DLC1: variants seen among roughly 807,000 people sequenced by gnomAD.
DLC1 encodes rho GTPase-activating protein 7.
In DLC1, 54 loss-of-function variants were observed where a neutral mutation model predicts 140.3. The observed-to-expected ratio is 0.38, with a 90% CI of 0.31 to 0.48. The LOEUF is 0.48. Among genes scored for constraint, DLC1 ranks in the 20% least tolerant of loss-of-function variants. The pLI, the probability that DLC1 is intolerant of heterozygous loss-of-function variation, is 0.96. For synonymous variants in DLC1, 986 were observed against 728.1 expected (o/e 1.35, Z -5.70); for missense variants, 2,536 against 1,907.0 (o/e 1.33, Z -6.14).
chr8:13,351,662 C>T (rs1834669995), intron 4 of DLC1, among the ~76,000 whole-genome samples: 1 of 152,152 alleles, frequency 6.6e-6, no homozygotes, highest in Non-Finnish European at 1.5e-5. Flanking sequence ...ACTACAACAG[C>T]AGAATTGAAT....
chr8:13,482,674 A>T (rs1285915490), intron 2 of DLC1, among the ~76,000 whole-genome samples: 1 of 152,216 alleles, frequency 6.6e-6, no homozygotes, highest in Non-Finnish European at 1.5e-5. Flanking sequence ...AGATAAGTCA[A>T]TATAGCCTGA....
At chr8:13,144,052 A>G (rs994780772) in intron 5 of DLC1, among the ~76,000 whole-genome samples, 1 of 152,194 alleles carries the variant, frequency 6.6e-6, no homozygotes, top group East Asian at 1.9e-4. Context: ...GATAGCTGGC[A>G]AAGTATCATT....
At position 13,083,467 on chromosome 8, in the gene DLC1, G is replaced by A. The variant is rs545966697; in HGVS notation, c.*2344C>T. 3.3e-5 allele frequency: 5 copies of A among 152,244 alleles called. No homozygotes were observed. The South Asian group carries it at 1.0e-3, about 32-fold the overall frequency. The allele number at this position is 152,244 out of a possible 1,614,324, so 9.4% of individuals were successfully genotyped here. A position where few individuals can be genotyped will look rare whatever the true frequency, so the allele number is the denominator to read the frequency against. On this transcript the variant is annotated 3_prime_UTR_variant, in exon 18 of 18. Transcript: ENST00000276297. ...GTAAGAGACAAGCCCTGCCCTCAAA[G>A]AGCTTACAATCTAGGCAATTAGTCA...
At chr8:13,573,997 T>A (rs986923532) in intron 1 of DLC1, among the ~76,000 whole-genome samples, 3 of 152,134 alleles carry the variant, frequency 2.0e-5, no homozygotes, top group African/African-American at 4.8e-5. Context: ...TGGTGCTCAA[T>A]GAAACTTTCA....
At chr8:13,411,536 T>G (rs929306329) in intron 2 of DLC1, among the ~76,000 whole-genome samples, 4 of 152,186 alleles carry the variant, frequency 2.6e-5, no homozygotes, top group Non-Finnish European at 5.9e-5. Context: ...TGATGTAAAC[T>G]ATGAACTTTG....
At chr8:13,500,828 A>ATGAC (rs3066360) in intron 1 of DLC1, among the ~76,000 whole-genome samples, 1 of 152,062 alleles carries the variant, frequency 6.6e-6, no homozygotes, top group Non-Finnish European at 1.5e-5. Flanking sequence ...ACCATTTACA[A>ATGAC]TTAGGACAGA....
intron 2 of DLC1, among the ~76,000 whole-genome samples, chr8:13,436,222 C>A (rs908633379): frequency 1.1e-4 from 16 of 152,206 alleles, no homozygotes; most frequent in African/African-American, 3.9e-4. Context: ...GCTTCACATT[C>A]TATCATTATT....
rs147826488 is a variant in DLC1 at position 13,212,284 on chromosome 8, T to C, written c.1348+92985A>G. On this transcript the variant is annotated intron_variant, in intron 5 of 17. Coordinates refer to ENST00000276297, the MANE Select transcript of DLC1 (RefSeq NM_182643.3). ...ATTCCCTCTGCCCTGTCTATATTCC[T>C]GATCTTCCCCTACACTATGTTAGGT... 6.6e-4 allele frequency among the ~76,000 whole-genome samples: 100 copies of C among 152,262 alleles called. No individual in the cohort carries two copies. In the Middle Eastern group the frequency reaches 0.014, roughly 21 times the overall value.
upstream of DLC1, among the ~76,000 whole-genome samples, chr8:13,517,467 TTTAA>T (rs1310279697): frequency 6.6e-6 from 1 of 152,232 alleles, no homozygotes; most frequent in African/African-American, 2.4e-5. Context: ...TTCCCAAATC[TTTAA>T]TTACTTATAT....
intron 5 of DLC1, among the ~76,000 whole-genome samples, chr8:13,119,883 A>G (rs1820890185): frequency 6.6e-6 from 1 of 151,550 alleles, no homozygotes; most frequent in Admixed American, 6.6e-5. Context: ...GGACTTCAAG[A>G]CCAGCCTGGG....
intron 1 of DLC1, among the ~76,000 whole-genome samples, chr8:13,512,389 A>C (rs1434915216): frequency 6.6e-6 from 1 of 152,190 alleles, no homozygotes; most frequent in African/African-American, 2.4e-5. Flanking sequence ...AGTATGATGC[A>C]GATGAAATAG....
chr8:13,094,622 C>T (rs575763955), intron 12 of DLC1, 137 bp downstream of exon 12: 97 of 1,052,648 alleles, frequency 9.2e-5, no homozygotes, highest in East Asian at 3.4e-4. Flanking sequence ...GCCGAGGTCA[C>T]GCCACTGCAC....
chr8:13,169,233 G>T (rs1490268448), intron 5 of DLC1, among the ~76,000 whole-genome samples: 1 of 152,178 alleles, frequency 6.6e-6, no homozygotes, highest in African/African-American at 2.4e-5. Context: ...ACTATGTTCA[G>T]TGAAAGATAC....
intron 4 of DLC1, among the ~76,000 whole-genome samples, chr8:13,321,096 C>T (rs756990946): frequency 3.9e-5 from 6 of 152,036 alleles, no homozygotes; most frequent in Admixed American, 2.6e-4. Context: ...TTCTTTATAG[C>T]GACACAAATG....
At chr8:13,269,368 C>A (rs61611196) in intron 5 of DLC1, among the ~76,000 whole-genome samples, 1,528 of 152,198 alleles carry the variant, frequency 0.01, 24 homozygotes, top group African/African-American at 0.035. Context: ...ACAGAGGGAT[C>A]AATGGAAATC....
chr8:13,369,267 G>A (rs1835625888), intron 4 of DLC1, among the ~76,000 whole-genome samples: 1 of 148,134 alleles, frequency 6.8e-6, no homozygotes, highest in Admixed American at 6.9e-5. Context: ...GTTGAATTTG[G>A]TTGAACTTCT....
Position 13,354,942 on chromosome 8 carries a change from G to A in DLC1, c.1314+38611C>T, listed in dbSNP as rs1195184394. Among the ~76,000 whole-genome samples, 3 of 118,942 alleles carry A rather than the reference G, an allele frequency of 2.5e-5. No homozygotes were observed. In the East Asian group the frequency reaches 6.6e-4, roughly 26 times the overall value. The allele number at this position is 118,942 out of a possible 152,430, so 78.0% of individuals were successfully genotyped here. ...CACTCCAGCCTGGATGACAGAGTGA[G>A]ACACTGGCTCAAAAAAAAAAAAAAA... is the stretch of plus-strand genomic sequence containing the variant. On this transcript the variant is annotated intron_variant, in intron 4 of 17. Transcript: ENST00000276297.
chr8:13,493,536 T>C (rs961832028), intron 2 of DLC1, among the ~76,000 whole-genome samples: 1 of 152,220 alleles, frequency 6.6e-6, no homozygotes, highest in African/African-American at 2.4e-5. Context: ...TTCCAAACAT[T>C]GATCATGTCT....
chr8:13,292,782 A>C (rs1831808959), intron 5 of DLC1, among the ~76,000 whole-genome samples: 1 of 152,208 alleles, frequency 6.6e-6, no homozygotes, highest in African/African-American at 2.4e-5. Context: ...AAAATGCATC[A>C]ATTGTGTCAC....
Sources: allele counts gnomAD v4.1 joint callset (sites outside exome capture counted in the v4.1 genomes callset), GRCh38; gene constraint gnomAD v4.1.1; transcripts MANE v1.5; gene names NCBI Gene and HGNC (gene_info 2026-07-23, HGNC 2026-07-21).